Variants in UBE2E1 observed in about 807,000 individuals in gnomAD.
UBE2E1 encodes the protein ubiquitin-conjugating enzyme E2 E1.
In UBE2E1, 6 loss-of-function variants were observed where a neutral mutation model predicts 21.4. That is an observed-to-expected ratio of 0.28 (90% CI 0.15 to 0.55). The LOEUF is 0.55. Ranked by LOEUF, UBE2E1 falls within the 20% of genes least tolerant of loss-of-function variation. UBE2E1 has a pLI of 0.93. For missense variants in UBE2E1, 142 were observed against 236.5 expected (o/e 0.60, Z 2.62); for synonymous variants, 87 against 82.7 (o/e 1.05, Z -0.28).
At chr3:23,873,766 C>G (rs187442539) in intron 3 of UBE2E1, among the ~76,000 whole-genome samples, 2 of 152,062 alleles carry the variant, frequency 1.3e-5, no homozygotes, top group Non-Finnish European at 2.9e-5. Context: ...AATAAGAGAC[C>G]GGCAGGAGAG....
At chr3:23,830,537 AT>A (rs5847254) in intron 3 of UBE2E1, among the ~76,000 whole-genome samples, 7,215 of 152,200 alleles carry the variant, frequency 0.047, 219 homozygotes, top group South Asian at 0.11. Context: ...GTGTGACTCA[AT>A]ATTGGGGTGG....
intron 3 of UBE2E1, among the ~76,000 whole-genome samples, chr3:23,884,026 A>G (rs1464275052): frequency 2.0e-5 from 3 of 151,906 alleles, no homozygotes; most frequent in Non-Finnish European, 2.9e-5. Context: ...TCACTACTGC[A>G]TTTTCTTCAG....
chr3:23,880,616 A>T (rs1378313830), intron 3 of UBE2E1, among the ~76,000 whole-genome samples: 1 of 152,236 alleles, frequency 6.6e-6, no homozygotes, highest in Non-Finnish European at 1.5e-5. Flanking sequence ...AAAGAAATCA[A>T]TAATGTCATT....
intron 3 of UBE2E1, among the ~76,000 whole-genome samples, chr3:23,851,982 T>G (rs968796088): frequency 3.3e-5 from 5 of 152,104 alleles, no homozygotes; most frequent in African/African-American, 1.2e-4. Flanking sequence ...TCACTTGCTT[T>G]GTTCATGCAA....
chr3:23,831,943 G>A (rs1053443788), intron 3 of UBE2E1, among the ~76,000 whole-genome samples: 3 of 151,854 alleles, frequency 2.0e-5, no homozygotes, highest in African/African-American at 7.3e-5. Context: ...CAGGTGATTC[G>A]CCTGCCTCCG....
chr3:23,881,521 AGG>A (rs1226425026), intron 3 of UBE2E1, among the ~76,000 whole-genome samples: 7 of 152,206 alleles, frequency 4.6e-5, no homozygotes, highest in African/African-American at 1.7e-4. Flanking sequence ...TTTTTTAAAA[AGG>A]CACAGTCTTA....
intron 3 of UBE2E1, among the ~76,000 whole-genome samples, chr3:23,855,558 G>A (rs958354787): frequency 3.9e-5 from 6 of 152,170 alleles, no homozygotes; most frequent in South Asian, 2.1e-4. Context: ...GGCCGGGCGC[G>A]GTGGCTCACA....
chr3:23,890,621 A>T lies in UBE2E1; in HGVS notation c.*15A>T. The stretch of plus-strand genomic sequence containing the variant: ...ACGCTACATAAATTGGGGTTTCACA[A>T]TTCTTACATTATTTGTCTGTCACAG... On this transcript the variant is annotated 3_prime_UTR_variant, in exon 6 of 6. Transcript: ENST00000306627. 6.4e-7 allele frequency: 1 copy of T among 1,571,666 alleles called. No homozygotes were observed. The highest frequency in any genetic ancestry group is 8.7e-7 in the Non-Finnish European group (1 of 1,153,998).
intron 3 of UBE2E1, among the ~76,000 whole-genome samples, chr3:23,848,652 A>T (rs1434419953): frequency 1.3e-5 from 2 of 152,238 alleles, no homozygotes; most frequent in African/African-American, 4.8e-5. Flanking sequence ...TATAATCAGT[A>T]ACTACCCTGA....
chr3:23,858,816 A>G (rs1700494170), intron 3 of UBE2E1, among the ~76,000 whole-genome samples: 1 of 152,162 alleles, frequency 6.6e-6, no homozygotes, highest in Admixed American at 6.5e-5. Flanking sequence ...AGTAAAAGAA[A>G]GGGAGCTTGA....
rs1034921265 is a variant in UBE2E1, at chr3:23,876,139, C to T, written c.204-11428C>T. 6.6e-6 allele frequency among the ~76,000 whole-genome samples: 1 copy of T among 152,180 alleles called. No homozygotes were observed. The highest frequency in any genetic ancestry group is 2.4e-5 in the African/African-American group (1 of 41,442). Reference sequence around the variant, plus strand: ...GCCCTTTAGGTTGGCTCTAGGTCTGCAAGTTCTTTCCAAGGGATAGTTAAC... The same window carrying T: ...GCCCTTTAGGTTGGCTCTAGGTCTGTAAGTTCTTTCCAAGGGATAGTTAAC... On this transcript the variant is annotated intron_variant, in intron 3 of 5. Transcript: ENST00000306627. The surrounding 1 kb of genome is among the most constrained non-coding windows in gnomAD (Gnocchi z 4.3).
intron 3 of UBE2E1, among the ~76,000 whole-genome samples, chr3:23,818,142 G>A (rs992637341): frequency 3.3e-5 from 5 of 152,126 alleles, no homozygotes; most frequent in Admixed American, 3.3e-4. Context: ...AAAAGGAGTC[G>A]GGTTCTTCTG....
rs1699513553 is a variant in UBE2E1, at chr3:23,816,219, CAG to C, written c.203+4712_203+4713del. ...TCTATGTACCCTGAATAATTAAAAA[CAG>C]AGGCTCAAACAGATAACCTGTATGT... On this transcript the variant is annotated intron_variant, in intron 3 of 5. Coordinates refer to ENST00000306627, the MANE Select transcript of UBE2E1 (RefSeq NM_003341.5). The surrounding 1 kb of genome is among the most constrained non-coding windows in gnomAD (Gnocchi z 4.8). 6.6e-6 allele frequency among the ~76,000 whole-genome samples: 1 copy of C among 152,158 alleles called. No homozygotes were observed. Among genetic ancestry groups the C allele is most frequent in the Non-Finnish European group, 1.5e-5 (1 of 68,032 alleles).
At chr3:23,886,516 C>G (rs1701187476) in intron 3 of UBE2E1, among the ~76,000 whole-genome samples, 2 of 152,188 alleles carry the variant, frequency 1.3e-5, no homozygotes, top group African/African-American at 4.8e-5. Context: ...TTCTCCTCTG[C>G]TTTTCCTTTG....
chr3:23,837,630 A>G (rs1699999734), intron 3 of UBE2E1, among the ~76,000 whole-genome samples: 2 of 152,224 alleles, frequency 1.3e-5, no homozygotes, highest in African/African-American at 4.8e-5. Flanking sequence ...TATGTTTTAA[A>G]AATTACTAGC....
chr3:23,849,351 G>C (rs2125306078), intron 3 of UBE2E1, among the ~76,000 whole-genome samples: 1 of 152,010 alleles, frequency 6.6e-6, no homozygotes, highest in Admixed American at 6.6e-5. Context: ...ATTTCTTTTT[G>C]AATTTTACTT....
At chr3:23,858,999 A>T (rs1213122985) in intron 3 of UBE2E1, among the ~76,000 whole-genome samples, 1 of 151,952 alleles carries the variant, frequency 6.6e-6, no homozygotes, top group Non-Finnish European at 1.5e-5. Flanking sequence ...CCACCCCCCA[A>T]TTTGGCTGGT....
chr3:23,830,861 G>A (rs760247642), intron 3 of UBE2E1, among the ~76,000 whole-genome samples: 1 of 152,216 alleles, frequency 6.6e-6, no homozygotes, highest in Admixed American at 6.5e-5. Context: ...GGTCTTAACT[G>A]TGGGTCAAGT....
At position 23,806,142 on chromosome 3, in the gene UBE2E1, G is replaced by A. The variant is rs1019526959; in HGVS notation, c.-34+54G>A. 11 of 147,388 alleles carry A rather than the reference G, an allele frequency of 7.5e-5. No homozygotes were observed. Among genetic ancestry groups the A allele is most frequent in the African/African-American group, 2.2e-4 (9 of 40,708 alleles). The allele number at this position is 147,388 out of a possible 1,614,324, so 9.1% of individuals were successfully genotyped here. A position where few individuals can be genotyped will look rare whatever the true frequency, so the allele number is the denominator to read the frequency against. On this transcript the variant is annotated intron_variant, in intron 1 of 5. Transcript: ENST00000306627. This position sits in a 1 kb window ranked among gnomAD's most constrained non-coding sequence, Gnocchi z 6.5. Reference sequence around the variant, plus strand: ...CCCCCCGGCCGCGCCGCCGGGCCTCGGGGACACCCCTCGCCGCCTCCCCCG... The same window carrying A: ...CCCCCCGGCCGCGCCGCCGGGCCTCAGGGACACCCCTCGCCGCCTCCCCCG...
Sources: gnomAD v4.1 joint callset for allele counts (sites outside exome capture counted in the v4.1 genomes callset) on GRCh38, gnomAD v4.1.1 for gene constraint, Gnocchi (gnomAD v3.1) non-coding constraint, MANE v1.5 for transcripts, NCBI Gene and HGNC (gene_info 2026-07-23, HGNC 2026-07-21) for gene names.